Variants in EHBP1 observed in about 807,000 individuals in gnomAD.
EHBP1 encodes EH domain-binding protein 1.
A neutral mutation model predicts 144.0 loss-of-function variants in EHBP1; 55 were observed. That is an observed-to-expected ratio of 0.38 (90% CI 0.31 to 0.48). The LOEUF is 0.48. Among genes scored for constraint, EHBP1 ranks in the 20% least tolerant of loss-of-function variants. The pLI, the probability that EHBP1 is intolerant of heterozygous loss-of-function variation, is 0.98. For missense variants in EHBP1, 1,200 were observed against 1,364.2 expected (o/e 0.88, Z 1.90); for synonymous variants, 469 against 472.7 (o/e 0.99, Z 0.10).
chr2:62,963,323 C>G (rs1430858048), intron 14 of EHBP1, among the ~76,000 whole-genome samples: 7 of 152,152 alleles, frequency 4.6e-5, no homozygotes, highest in African/African-American at 1.4e-4. Flanking sequence ...TGGCACTAGT[C>G]TGTCATGCCG....
intron 3 of EHBP1, among the ~76,000 whole-genome samples, chr2:62,759,830 C>T (rs1320338516): frequency 6.6e-6 from 1 of 152,102 alleles, no homozygotes; most frequent in Non-Finnish European, 1.5e-5. Context: ...CATTCTTTTT[C>T]TAGGTTCAGA....
chr2:62,673,971 C>A, exon 1 of EHBP1: 1 of 467,440 alleles, frequency 2.1e-6, no homozygotes, highest in Non-Finnish European at 4.4e-6. Context: ...CTTGCTAGGA[C>A]ACAAGGTTAG....
In EHBP1 at chr2:62,884,362, A is replaced by G. The variant is rs1212886578; in HGVS notation, c.1185+9830A>G. Among the ~76,000 whole-genome samples the G allele has an allele frequency of 2.0e-5, 3 of 152,194 alleles. No homozygotes were observed. In the East Asian group the frequency reaches 5.8e-4, roughly 29 times the overall value. ...TTGCCTTCTGTATATGATATGTACA[A>G]GATAACATTTTCTTAAAATTTACCC... On this transcript the variant is annotated intron_variant, in intron 10 of 22. Transcript: ENST00000431489.
At chr2:63,032,161 C>T (rs2061275870) in intron 19 of EHBP1, among the ~76,000 whole-genome samples, 1 of 150,808 alleles carries the variant, frequency 6.6e-6, no homozygotes, top group African/African-American at 2.4e-5. Flanking sequence ...GTGCAGCACA[C>T]CAACATGGCA....
rs1053009847 is a variant in EHBP1 at position 62,940,237 on chromosome 2, G to C, written c.1186-2481G>C. 1.6e-5 allele frequency: 5 copies of C among 311,800 alleles called. No individual in the cohort carries two copies. In the South Asian group the frequency reaches 1.8e-4, roughly 11 times the overall value. 19.3% of individuals were successfully genotyped at this position (311,800 alleles called of 1,614,324 possible). ...CTGAGATTGTTAAATAGATTTATTC[G>C]GTCAGTATTGAGCCAAGAGTTGAGG... On this transcript the variant is annotated intron_variant, in intron 10 of 22. Coordinates refer to ENST00000431489, the MANE Select transcript of EHBP1 (RefSeq NM_001142616.3).
chr2:62,740,458 T>C (rs1217498091), intron 2 of EHBP1, among the ~76,000 whole-genome samples: 1 of 152,174 alleles, frequency 6.6e-6, no homozygotes, highest in Non-Finnish European at 1.5e-5. Context: ...GAGGCAGATG[T>C]ACCTACTGAA....
intron 19 of EHBP1, among the ~76,000 whole-genome samples, chr2:63,020,923 C>T (rs2060714425): frequency 6.6e-6 from 1 of 150,992 alleles, no homozygotes; most frequent in South Asian, 2.1e-4. Context: ...GGTGATCCAC[C>T]TGCCTTGGCC....
At chr2:62,847,128 A>T (rs73934295) in intron 7 of EHBP1, among the ~76,000 whole-genome samples, 2,004 of 152,306 alleles carry the variant, frequency 0.013, 40 homozygotes, top group African/African-American at 0.045. Context: ...GGATAAATAG[A>T]TCAACAGAAC....
At position 62,943,814 on chromosome 2, in the gene EHBP1, T is replaced by C; in HGVS notation, c.1377T>C (p.Ser459=). 6.2e-7 allele frequency: 1 copy of C among 1,602,328 alleles called. No individual in the cohort carries two copies. The highest frequency in any genetic ancestry group is 8.5e-7 in the Non-Finnish European group (1 of 1,172,360). Residue 459 remains serine, a synonymous_variant, in exon 12 of 23, where the codon TCT becomes TCC. Coordinates refer to ENST00000431489, the MANE Select transcript of EHBP1 (RefSeq NM_001142616.3). ...HFRPDLIDYK[S]LNPQDIKENN... ...TTTTCTCCCTCAGTGACTACAAGTC[T>C]CTGAATCCTCAAGATATTAAAGAGA... is the stretch of plus-strand genomic sequence containing the variant.
At chr2:62,679,505 C>G (rs2033433572) in intron 1 of EHBP1, among the ~76,000 whole-genome samples, 1 of 152,118 alleles carries the variant, frequency 6.6e-6, no homozygotes. Flanking sequence ...TGCCACCTAT[C>G]TTTTATCTCT....
intron 1 of EHBP1, among the ~76,000 whole-genome samples, chr2:62,684,325 G>A (rs2033645007): frequency 6.6e-6 from 1 of 151,884 alleles, no homozygotes; most frequent in Admixed American, 6.6e-5. Flanking sequence ...GGTAGAGTGG[G>A]GGAGGTAAAA....
At chr2:62,932,951 CA>C (rs1163755712) in intron 10 of EHBP1, among the ~76,000 whole-genome samples, 909 of 46,230 alleles carry the variant, frequency 0.02, 4 homozygotes, top group African/African-American at 0.058. Context: ...GACTCCATCT[CA>C]AAAAAAAAAA....
chr2:62,924,495 C>G (rs1328955740), intron 10 of EHBP1, among the ~76,000 whole-genome samples: 1 of 151,612 alleles, frequency 6.6e-6, no homozygotes, highest in Non-Finnish European at 1.5e-5. Flanking sequence ...GAGAGAAGAC[C>G]CAAATAAATC....
intron 10 of EHBP1, among the ~76,000 whole-genome samples, chr2:62,900,215 A>C (rs2053283180): frequency 1.3e-5 from 2 of 152,180 alleles, no homozygotes; most frequent in South Asian, 4.1e-4. Flanking sequence ...AAAAAAATGA[A>C]GACTAAATAT....
At chr2:62,781,568 G>T (rs888316850) in intron 5 of EHBP1, among the ~76,000 whole-genome samples, 2 of 152,192 alleles carry the variant, frequency 1.3e-5, no homozygotes, top group African/African-American at 2.4e-5. Context: ...TCAGATAGGA[G>T]ATTAAGTACT....
At chr2:62,885,944 G>A (rs1347116177) in intron 10 of EHBP1, among the ~76,000 whole-genome samples, 2 of 152,140 alleles carry the variant, frequency 1.3e-5, no homozygotes, top group Admixed American at 1.3e-4. Context: ...CACTCATATT[G>A]TTGCTTCTTT....
At chr2:62,835,117 G>C (rs1160797970) in intron 7 of EHBP1, among the ~76,000 whole-genome samples, 1 of 151,820 alleles carries the variant, frequency 6.6e-6, no homozygotes, top group Non-Finnish European at 1.5e-5. Context: ...GGTTTTTTTA[G>C]ATTTTTATTT....
intron 5 of EHBP1, among the ~76,000 whole-genome samples, chr2:62,776,892 AT>A (rs948916821): frequency 1.6e-4 from 24 of 152,198 alleles, no homozygotes; most frequent in African/African-American, 5.8e-4. Flanking sequence ...AGGAAACAAA[AT>A]TTTTTTTCTC....
chr2:62,839,579 A>G (rs2152707541), intron 7 of EHBP1, among the ~76,000 whole-genome samples: 1 of 150,252 alleles, frequency 6.7e-6, no homozygotes, highest in East Asian at 1.9e-4. Context: ...ACATGATTGT[A>G]TATCTAGAAA....
Sources: gnomAD v4.1 joint callset for allele counts (sites outside exome capture counted in the v4.1 genomes callset) on GRCh38, gnomAD v4.1.1 for gene constraint, MANE v1.5 for transcripts, NCBI Gene and HGNC (gene_info 2026-07-23, HGNC 2026-07-21) for gene names.